DNM1: variants seen among roughly 807,000 people sequenced by gnomAD.
DNM1 encodes dynamin 1.
DNM1 carries 29 observed loss-of-function variants against 104.6 expected under a neutral mutation model. The ratio of observed to expected loss-of-function variants is 0.28; its 90% CI spans 0.21 to 0.38. DNM1 has a LOEUF of 0.38. DNM1 is among the 10% of genes least tolerant of loss of function. The pLI, the probability that DNM1 is intolerant of heterozygous loss-of-function variation, is 1.00. For missense variants in DNM1, 640 were observed against 1,189.4 expected (o/e 0.54, Z 6.79); for synonymous variants, 445 against 475.8 (o/e 0.94, Z 0.84).
At chr9:128,227,688 A>G (rs1458535289) in intron 10 of DNM1, among the ~76,000 whole-genome samples, 1 of 152,084 alleles carries the variant, frequency 6.6e-6, no homozygotes, top group Non-Finnish European at 1.5e-5. Flanking sequence ...AGCCAGTCTC[A>G]TGCTCTTTAA....
intron 10 of DNM1, among the ~76,000 whole-genome samples, chr9:128,228,465 A>G (rs79630827): frequency 0.24 from 35,921 of 152,132 alleles, 4,531 homozygotes; most frequent in South Asian, 0.36. Flanking sequence ...ATGAGCCACC[A>G]TCTGGCAACA....
At chr9:128,233,965 G>A in intron 10 of DNM1, 56 bp from the exon 11 acceptor site, 1 of 1,488,750 alleles carries the variant, frequency 6.7e-7, no homozygotes, top group Non-Finnish European at 9.2e-7. Context: ...GGGTGTGGGT[G>A]CTCCCTGCCC....
chr9:128,250,182 TGGA>T lies in DNM1; in HGVS notation c.2149_2151del (p.Glu717del). 1 of 1,614,120 alleles carries T rather than the reference TGGA, an allele frequency of 6.2e-7. No homozygotes were observed. The highest frequency in any genetic ancestry group is 2.2e-5 in the East Asian group (1 of 44,870). ...TCGTGTGGGGACCAGAACACGCTGA[TGGA>T]GGAGTCGGCGGAGCAGGCACAGCGG... On this transcript the variant is annotated inframe_deletion, in exon 20 of 22. Coordinates refer to ENST00000372923, the MANE Select transcript of DNM1 (RefSeq NM_004408.4).
intron 16 of DNM1, among the ~76,000 whole-genome samples, 195 bp downstream of exon 16, chr9:128,246,698 T>C: frequency 7.0e-6 from 1 of 143,298 alleles, no homozygotes; most frequent in Non-Finnish European, 1.5e-5. Flanking sequence ...CCCCTTCCCT[T>C]CCCTCCTCCT....
At chr9:128,246,630 AG>A (rs1405094453) in intron 16 of DNM1, 127 bp downstream of exon 16, 7 of 667,888 alleles carry the variant, frequency 1.0e-5, no homozygotes, top group Non-Finnish European at 1.9e-5. Context: ...ATCCACTGAC[AG>A]ATGCTTATTG....
In DNM1 at chr9:128,244,486, T is replaced by C. The variant is rs574699337; in HGVS notation, c.1672-1908T>C. Among the ~76,000 whole-genome samples, 34 of 152,096 alleles carry C rather than the reference T, an allele frequency of 2.2e-4. 1 individual carries two copies. The South Asian group carries it at 6.8e-3, about 31-fold the overall frequency. On this transcript the variant is annotated intron_variant, in intron 15 of 21. Transcript: ENST00000372923. ...TCAGGTTTTGGGGTGAGGGAGGCTC[T>C]TTGGGCAGACCGGCGGCTGCCCACA...
chr9:128,226,199 G>A, intron 10 of DNM1: 1 of 1,611,274 alleles, frequency 6.2e-7, no homozygotes. Flanking sequence ...GGGCGGGGCT[G>A]GGCCTGGCCG....
In DNM1 at chr9:128,218,777, G is replaced by C; in HGVS notation, c.385+46G>C. On this transcript the variant is annotated intron_variant, in intron 3 of 21. Transcript: ENST00000372923. This position sits in a 1 kb window ranked among gnomAD's most constrained non-coding sequence, Gnocchi z 4.8. ...CTAACCTCTAAGAATCATTTTCTTG[G>C]CCACGCACCTCTGCGTGCCTCGCTC... 6.5e-7 allele frequency: 1 copy of C among 1,548,660 alleles called. No individual in the cohort carries two copies. The highest frequency in any genetic ancestry group is 8.7e-7 in the Non-Finnish European group (1 of 1,144,990).
At chr9:128,226,178 G>C in intron 10 of DNM1, 1 of 1,612,832 alleles carries the variant, frequency 6.2e-7, no homozygotes, top group Non-Finnish European at 8.5e-7. Context: ...GAAAAGGTAT[G>C]ACGGCCGCCT....
rs1461125244 is a variant in DNM1, at chr9:128,254,397, G to T, written c.2535-257G>T. 24 of 1,419,786 alleles carry T rather than the reference G, an allele frequency of 1.7e-5. No homozygotes were observed. Among genetic ancestry groups the T allele is most frequent in the Non-Finnish European group, 2.2e-5 (24 of 1,094,538 alleles). The allele number at this position is 1,419,786 out of a possible 1,614,324, so 87.9% of individuals were successfully genotyped here. The stretch of plus-strand genomic sequence containing the variant: ...CCTGGGTGCCGTGTGAGAGGCCAGC[G>T]TGTGTGGGGTGGGGAGGGCCGCCAC... On this transcript the variant is annotated intron_variant, in intron 21 of 21. Transcript: ENST00000372923. This position sits in a 1 kb window ranked among gnomAD's most constrained non-coding sequence, Gnocchi z 6.1.
At chr9:128,250,487 G>C (rs1341756279) in intron 20 of DNM1, 131 bp downstream of exon 20, 45 of 1,140,342 alleles carry the variant, frequency 3.9e-5, no homozygotes, top group Non-Finnish European at 1.1e-5. Context: ...GGAGCTTAGA[G>C]AGGGCGGGGC....
intron 1 of DNM1, among the ~76,000 whole-genome samples, chr9:128,205,209 G>C (rs540391502): frequency 2.0e-5 from 3 of 152,270 alleles, no homozygotes; most frequent in African/African-American, 7.2e-5. Context: ...CAGCAGTCAG[G>C]GATATCCAGC....
rs1250941527 is a variant in DNM1, at chr9:128,243,436, C to G, written c.1671+1091C>G. Among the ~76,000 whole-genome samples, 1 of 152,168 alleles carries G rather than the reference C, an allele frequency of 6.6e-6. No individual in the cohort carries two copies. Among genetic ancestry groups the G allele is most frequent in the Non-Finnish European group, 1.5e-5 (1 of 68,014 alleles). ...GGGCCTGTGATTTTGGCCTCCAAGCCCCCTCCCAGGTCCCTGTCTCCTCCA... is the reference window on the plus strand; with the variant it reads ...GGGCCTGTGATTTTGGCCTCCAAGCGCCCTCCCAGGTCCCTGTCTCCTCCA... On this transcript the variant is annotated intron_variant, in intron 15 of 21. Transcript: ENST00000372923. The surrounding 1 kb of genome is among the most constrained non-coding windows in gnomAD (Gnocchi z 4.0).
intron 1 of DNM1, among the ~76,000 whole-genome samples, chr9:128,217,389 G>T (rs1024848657): frequency 6.6e-6 from 1 of 152,182 alleles, no homozygotes; most frequent in African/African-American, 2.4e-5. Context: ...GCATGCAGTA[G>T]GCACTAAGAA....
intron 21 of DNM1, chr9:128,252,462 G>A: frequency 2.5e-6 from 1 of 398,090 alleles, no homozygotes; most frequent in Non-Finnish European, 4.9e-6. Context: ...ACGTGGCAAG[G>A]AATCAGGAGG....
intron 10 of DNM1, 192 bp from the exon 11 acceptor site, chr9:128,233,829 A>T: frequency 1.7e-6 from 1 of 595,712 alleles, no homozygotes; most frequent in Non-Finnish European, 3.0e-6. Flanking sequence ...TGGAACCCAC[A>T]CTTGGGGGAA....
At position 128,224,838 on chromosome 9, in the gene DNM1, C is replaced by G. The variant is rs2131184349; in HGVS notation, c.1335+449C>G. On this transcript the variant is annotated intron_variant, in intron 10 of 21. Transcript: ENST00000372923. This position sits in a 1 kb window ranked among gnomAD's most constrained non-coding sequence, Gnocchi z 4.3. Reference sequence around the variant, plus strand: ...GGGTGGCCAGAGGGGGTGCAGAGGACCCAGGACTAGCAGGTGCCCTGGCTC... The same window carrying G: ...GGGTGGCCAGAGGGGGTGCAGAGGAGCCAGGACTAGCAGGTGCCCTGGCTC... 2.0e-5 allele frequency among the ~76,000 whole-genome samples: 3 copies of G among 152,222 alleles called. No homozygotes were observed. In the South Asian group the frequency reaches 6.2e-4, roughly 32 times the overall value.
At position 128,218,458 on chromosome 9, in the gene DNM1, A is replaced by G; in HGVS notation, c.236-124A>G. ...GCGGGGATCAAAATACATAATGGAG[A>G]CGTGGGTGGTGGTTCTGCTTGGGTG... On this transcript the variant is annotated intron_variant, in intron 2 of 21. Transcript: ENST00000372923. The surrounding 1 kb of genome is among the most constrained non-coding windows in gnomAD (Gnocchi z 4.8). 1 of 1,392,484 alleles carries G rather than the reference A, an allele frequency of 7.2e-7. No homozygotes were observed. Among genetic ancestry groups the G allele is most frequent in the Non-Finnish European group, 1.0e-6 (1 of 989,232 alleles). The allele number at this position is 1,392,484 out of a possible 1,614,324, so 86.3% of individuals were successfully genotyped here.
In DNM1 at chr9:128,220,730, C is replaced by A. The variant is rs1226138215; in HGVS notation, c.849+389C>A. 1.3e-5 allele frequency among the ~76,000 whole-genome samples: 1 copy of A among 78,338 alleles called. No homozygotes were observed. The highest frequency in any genetic ancestry group is 2.3e-5 in the Non-Finnish European group (1 of 43,098). The allele number at this position is 78,338 out of a possible 152,430, so 51.4% of individuals were successfully genotyped here. On this transcript the variant is annotated intron_variant, in intron 6 of 21. Transcript: ENST00000372923. The surrounding 1 kb of genome is among the most constrained non-coding windows in gnomAD (Gnocchi z 5.2). ...GAATGGGGCATCCAGAACTGAAGTG[C>A]GCGCGCGCGCGCGTGTGTGTGTGTG...
Sources: allele counts gnomAD v4.1 joint callset (sites outside exome capture counted in the v4.1 genomes callset), GRCh38; gene constraint gnomAD v4.1.1; non-coding constraint Gnocchi (gnomAD v3.1); transcripts MANE v1.5; gene names NCBI Gene and HGNC (gene_info 2026-07-23, HGNC 2026-07-21).